NEK11: variants seen among roughly 807,000 people sequenced by gnomAD.
NEK11 encodes NIMA related kinase 11.
A neutral mutation model predicts 80.7 loss-of-function variants in NEK11; 72 were observed. The observed-to-expected ratio is 0.89, with a 90% CI of 0.74 to 1.08. The LOEUF (loss-of-function observed/expected upper bound fraction) is 1.08, where lower values mean the gene tolerates loss of function less well. NEK11 is among the 50% of genes least tolerant of loss of function. The probability of loss-of-function intolerance (pLI) is 0.00; values close to 1 mark genes in which losing one functional copy is unlikely to be tolerated. For missense variants in NEK11, 764 were observed against 763.6 expected (o/e 1.00, Z -0.01); for synonymous variants, 251 against 260.7 (o/e 0.96, Z 0.36).
intron 17 of NEK11, among the ~76,000 whole-genome samples, chr3:131,279,661 T>C (rs982611338): frequency 6.6e-6 from 1 of 152,162 alleles, no homozygotes; most frequent in African/African-American, 2.4e-5. Context: ...CCCTATAGTT[T>C]TTCCTTTTTA....
intron 7 of NEK11, among the ~76,000 whole-genome samples, chr3:131,147,166 C>G (rs188068417): frequency 6.6e-6 from 1 of 152,064 alleles, no homozygotes; most frequent in East Asian, 1.9e-4. Context: ...CTCCTGTTTT[C>G]TTTTAAAGCT....
At chr3:131,335,402 T>C (rs1470453758) in intron 17 of NEK11, among the ~76,000 whole-genome samples, 3 of 152,210 alleles carry the variant, frequency 2.0e-5, no homozygotes, top group Non-Finnish European at 4.4e-5. Flanking sequence ...GAAAAGGCCT[T>C]TGACAAAATT....
intron 17 of NEK11, among the ~76,000 whole-genome samples, chr3:131,332,441 G>A (rs1178329121): frequency 6.6e-6 from 1 of 152,080 alleles, no homozygotes; most frequent in African/African-American, 2.4e-5. Context: ...AAACAGAAAG[G>A]ACATCCACAC....
intron 17 of NEK11, among the ~76,000 whole-genome samples, chr3:131,347,350 G>A (rs1311747063): frequency 6.6e-6 from 1 of 152,174 alleles, no homozygotes; most frequent in African/African-American, 2.4e-5. Context: ...GAATGCAAAA[G>A]CACTTTGCAA....
Position 131,110,980 on chromosome 3 carries a change from TA to T in NEK11, c.455+1061del, listed in dbSNP as rs200461619. ...TTAAATGAATCAAATAATCTTTTAATAAGCTACCCAAAGCTACTGACTGTAA... is the reference window on the plus strand; with the variant it reads ...TTAAATGAATCAAATAATCTTTTAATAGCTACCCAAAGCTACTGACTGTAA... On this transcript the variant is annotated intron_variant, in intron 5 of 17. Coordinates refer to ENST00000383366, the MANE Select transcript of NEK11 (RefSeq NM_024800.5). 5.3e-5 allele frequency among the ~76,000 whole-genome samples: 8 copies of T among 152,316 alleles called. No homozygotes were observed. In the East Asian group the frequency reaches 1.5e-3, roughly 29 times the overall value.
At chr3:131,169,000 AG>A in intron 13 of NEK11, 63 bp downstream of exon 13, 18 of 1,284,788 alleles carry the variant, frequency 1.4e-5, no homozygotes, top group Non-Finnish European at 2.0e-5. Flanking sequence ...CAGAGAACAA[AG>A]GGGAAAGAAA....
intron 15 of NEK11, among the ~76,000 whole-genome samples, chr3:131,232,513 C>T (rs541555788): frequency 2.4e-4 from 37 of 152,184 alleles, no homozygotes; most frequent in Non-Finnish European, 3.8e-4. Flanking sequence ...TTTAAGAAGG[C>T]TCTTCAGGAC....
chr3:131,350,026 G>A lies in NEK11; in HGVS notation c.*250G>A, dbSNP rs910502159. On this transcript the variant is annotated 3_prime_UTR_variant, in exon 18 of 18. Transcript: ENST00000383366. Reference sequence around the variant, plus strand: ...AGATCAAGTTTGGCTCCCTTGAAAAGCATTTCTCTCATGTGCGCCCTCAGG... The same window carrying A: ...AGATCAAGTTTGGCTCCCTTGAAAAACATTTCTCTCATGTGCGCCCTCAGG... The A allele has an allele frequency of 6.6e-6, 3 of 452,852 alleles. No individual in the cohort carries two copies. Among genetic ancestry groups the A allele is most frequent in the Non-Finnish European group, 1.2e-5 (3 of 250,614 alleles). The allele number at this position is 452,852 out of a possible 1,614,324, so 28.1% of individuals were successfully genotyped here.
Position 131,068,177 on chromosome 3 carries a change from G to T in NEK11, c.171-12246G>T, listed in dbSNP as rs573089797. ...TCCCAAGCCTCTAGAGAACACTGGG[G>T]CTCTTCAACACTTTTAGCCCTGGCA... On this transcript the variant is annotated intron_variant, in intron 3 of 17. Transcript: ENST00000383366. Among the ~76,000 whole-genome samples, 10 of 152,256 alleles carry T rather than the reference G, an allele frequency of 6.6e-5. No individual in the cohort carries two copies. The South Asian group carries it at 1.9e-3, about 28-fold the overall frequency.
intron 16 of NEK11, among the ~76,000 whole-genome samples, chr3:131,255,415 T>C (rs940210062): frequency 5.9e-5 from 9 of 152,166 alleles, no homozygotes; most frequent in Non-Finnish European, 4.4e-5. Flanking sequence ...AAAGGTGACC[T>C]TTTCAGATCG....
At position 131,260,741 on chromosome 3, in the gene NEK11, A is replaced by G. The variant is rs147816288; in HGVS notation, c.1622-12737A>G. Reference sequence around the variant, plus strand: ...AGCCATGAGGATATACTTTTGCAATAATTTGGCAAAGAGTGGTATCAGTCA... The same window carrying G: ...AGCCATGAGGATATACTTTTGCAATGATTTGGCAAAGAGTGGTATCAGTCA... On this transcript the variant is annotated intron_variant, in intron 16 of 17. Transcript: ENST00000383366. Among the ~76,000 whole-genome samples, 541 of 152,276 alleles carry G rather than the reference A, an allele frequency of 3.6e-3. 3 individuals are homozygous for G. Among genetic ancestry groups the G allele is most frequent in the African/African-American group, 0.012 (499 of 41,562 alleles).
chr3:131,203,368 G>C (rs1483184372), intron 14 of NEK11, among the ~76,000 whole-genome samples: 3 of 146,276 alleles, frequency 2.1e-5, no homozygotes, highest in African/African-American at 7.5e-5. Flanking sequence ...TCATAGATGG[G>C]AATTGAACAA....
Position 131,058,932 on chromosome 3 carries a change from G to A in NEK11, c.171-21491G>A, listed in dbSNP as rs2403231. Among the ~76,000 whole-genome samples the A allele has an allele frequency of 1.7e-4, 26 of 152,104 alleles. No individual in the cohort carries two copies. In the South Asian group the frequency reaches 1.9e-3, roughly 11 times the overall value. On this transcript the variant is annotated intron_variant, in intron 3 of 17. Transcript: ENST00000383366. ...CTATTCCAGAAAATTTCCATTTTCC[G>A]TATTAACAATAGTGTAACTTTTTCT...
chr3:131,109,743 G>A (rs975434391), intron 4 of NEK11, 60 bp from the exon 5 acceptor site: 2 of 1,512,302 alleles, frequency 1.3e-6, no homozygotes, highest in Non-Finnish European at 1.8e-6. Flanking sequence ...CTGTTGTTAA[G>A]TGAACTTGAT....
intron 14 of NEK11, among the ~76,000 whole-genome samples, chr3:131,210,909 G>T (rs2094590752): frequency 6.6e-6 from 1 of 152,044 alleles, no homozygotes; most frequent in Non-Finnish European, 1.5e-5. Context: ...CACACTGATG[G>T]GTCTTGACTC....
intron 17 of NEK11, among the ~76,000 whole-genome samples, chr3:131,305,501 GT>G (rs1050791015): frequency 2.0e-5 from 3 of 152,180 alleles, no homozygotes; most frequent in African/African-American, 7.2e-5. Context: ...CTCTGCCTAG[GT>G]CCAACAGTCT....
intron 16 of NEK11, among the ~76,000 whole-genome samples, chr3:131,245,246 A>G (rs1224974783): frequency 1.3e-5 from 2 of 151,548 alleles, no homozygotes; most frequent in Non-Finnish European, 2.9e-5. Flanking sequence ...AGTTCTTTCT[A>G]TGTTGCTGCA....
intron 14 of NEK11, among the ~76,000 whole-genome samples, chr3:131,189,470 C>A (rs978561365): frequency 6.6e-6 from 1 of 152,186 alleles, no homozygotes; most frequent in Non-Finnish European, 1.5e-5. Context: ...GATGACTTCT[C>A]ACTGCATCTT....
At chr3:131,188,700 A>G (rs545788808) in intron 14 of NEK11, among the ~76,000 whole-genome samples, 1 of 152,146 alleles carries the variant, frequency 6.6e-6, no homozygotes, top group South Asian at 2.1e-4. Flanking sequence ...TCAACAGTCA[A>G]TCTTCAACAA....
Sources: allele counts gnomAD v4.1 joint callset (sites outside exome capture counted in the v4.1 genomes callset), GRCh38; gene constraint gnomAD v4.1.1; transcripts MANE v1.5; gene names NCBI Gene and HGNC (gene_info 2026-07-23, HGNC 2026-07-21).